The following SLC35D1 variants were observed in gnomAD, a reference collection of about 807,000 sequenced individuals.
SLC35D1 encodes nucleotide sugar transporter SLC35D1.
SLC35D1 carries 31 observed loss-of-function variants against 46.7 expected under a neutral mutation model. That is an observed-to-expected ratio of 0.66 (90% CI 0.50 to 0.90). The LOEUF (loss-of-function observed/expected upper bound fraction) is 0.90. Ranked by LOEUF, SLC35D1 falls within the 40% of genes least tolerant of loss-of-function variation. The pLI, the probability that SLC35D1 is intolerant of heterozygous loss-of-function variation, is 0.00. For synonymous variants in SLC35D1, 195 were observed against 164.6 expected (o/e 1.18, Z -1.41); for missense variants, 397 against 426.2 (o/e 0.93, Z 0.60).
At chr1:66,992,994 A>G in the SLC35D1 span, among the ~76,000 whole-genome samples, 2 of 152,252 alleles carry the variant, frequency 1.3e-5, no homozygotes, top group Non-Finnish European at 2.9e-5. Flanking sequence ...AAGTTGTAAG[A>G]CTTGCTCTTT....
Position 67,042,235 on chromosome 1 carries a change from C to T in SLC35D1, c.729+1G>A. On this transcript the variant is annotated splice_donor_variant, in intron 8 of 11. Coordinates refer to ENST00000235345, the MANE Select transcript of SLC35D1 (RefSeq NM_015139.3). LOFTEE classifies it high-confidence loss of function. The stretch of plus-strand genomic sequence containing the variant: ...ATTAAACCGTAATTAGAAAGTCCTA[C>T]CTTTTGTGCATCTCCTGTGAAATAC... 2 of 1,613,454 alleles carry T rather than the reference C, an allele frequency of 1.2e-6. No homozygotes were observed. Among genetic ancestry groups the T allele is most frequent in the Non-Finnish European group, 8.5e-7 (1 of 1,179,400 alleles).
At chr1:66,978,196 CAAA>C in the SLC35D1 span, among the ~76,000 whole-genome samples, 2 of 91,352 alleles carry the variant, frequency 2.2e-5, no homozygotes, top group South Asian at 3.2e-4. Context: ...ACTCCATCTC[CAAA>C]AAAAAAAAAA....
At chr1:66,977,226 C>T in the SLC35D1 span, among the ~76,000 whole-genome samples, 1 of 152,094 alleles carries the variant, frequency 6.6e-6, no homozygotes. Flanking sequence ...TGTCCTGCCT[C>T]AGCCTCCCGA....
chr1:66,989,885 G>GA, the SLC35D1 span, among the ~76,000 whole-genome samples: 4 of 152,220 alleles, frequency 2.6e-5, no homozygotes, highest in South Asian at 2.1e-4. Context: ...TTCTTGACCA[G>GA]AAAATCTAGA....
the SLC35D1 span, chr1:66,976,874 C>T: frequency 1.7e-6 from 1 of 584,518 alleles, no homozygotes; most frequent in Non-Finnish European, 2.7e-6. Context: ...TTTTATAATA[C>T]ACATTAAACT....
the SLC35D1 span, among the ~76,000 whole-genome samples, chr1:66,974,352 C>T: frequency 1.3e-4 from 20 of 151,292 alleles, no homozygotes; most frequent in Admixed American, 5.9e-4. Context: ...TGTGACTGGC[C>T]GTGTATGTTT....
At chr1:67,046,983 T>A (rs965055300) in intron 7 of SLC35D1, among the ~76,000 whole-genome samples, 1 of 152,156 alleles carries the variant, frequency 6.6e-6, no homozygotes, top group Non-Finnish European at 1.5e-5. Context: ...AATACAGCCA[T>A]GAACATTTAA....
chr1:66,974,261 A>G, the SLC35D1 span, among the ~76,000 whole-genome samples: 33 of 152,236 alleles, frequency 2.2e-4, 2 homozygotes, highest in East Asian at 6.0e-3. Context: ...AATTAGTTTC[A>G]AAAATGTATA....
intron 8 of SLC35D1, among the ~76,000 whole-genome samples, chr1:67,034,364 C>A (rs1417645080): frequency 6.6e-6 from 1 of 152,118 alleles, no homozygotes; most frequent in Non-Finnish European, 1.5e-5. Flanking sequence ...TTTTCAATTT[C>A]TTGCATCAGT....
intron 2 of SLC35D1, 47 bp downstream of exon 2, chr1:67,052,909 G>A (rs767231853): frequency 1.9e-6 from 3 of 1,613,790 alleles, no homozygotes; most frequent in African/African-American, 2.7e-5. Flanking sequence ...GACACACACA[G>A]AAGTTCTAAC....
At chr1:66,995,301 T>C (rs1667225960), downstream of SLC35D1, among the ~76,000 whole-genome samples, 1 of 151,906 alleles carries the variant, frequency 6.6e-6, no homozygotes, top group Non-Finnish European at 1.5e-5. Flanking sequence ...CCATTCACTC[T>C]AGGCATTCAC....
the SLC35D1 span, chr1:66,986,572 A>G: frequency 5.8e-5 from 55 of 948,482 alleles, no homozygotes; most frequent in Non-Finnish European, 4.9e-5. Flanking sequence ...CCCATGAAGT[A>G]TTACTGTTAA....
At position 67,047,254 on chromosome 1, in the gene SLC35D1, T is replaced by G; in HGVS notation, c.636+11A>C. On this transcript the variant is annotated intron_variant, in intron 7 of 11. Coordinates refer to ENST00000235345, the MANE Select transcript of SLC35D1 (RefSeq NM_015139.3). ...AGTACACAACTGTTAAAGCTTTAGATTGCTACTTACTTTTGAATCTAATTT... is the reference window on the plus strand; with the variant it reads ...AGTACACAACTGTTAAAGCTTTAGAGTGCTACTTACTTTTGAATCTAATTT... 2 of 1,603,354 alleles carry G rather than the reference T, an allele frequency of 1.2e-6. No individual in the cohort carries two copies. Among genetic ancestry groups the G allele is most frequent in the South Asian group, 2.2e-5 (2 of 90,858 alleles).
the SLC35D1 span, among the ~76,000 whole-genome samples, chr1:66,989,768 C>A: frequency 2.0e-5 from 3 of 152,174 alleles, no homozygotes; most frequent in African/African-American, 7.2e-5. Flanking sequence ...TGAGCTTAAA[C>A]ATTTTTAAAA....
intron 7 of SLC35D1, 144 bp downstream of exon 7, chr1:67,047,121 C>T (rs895233519): frequency 3.0e-6 from 2 of 661,438 alleles, no homozygotes; most frequent in African/African-American, 1.8e-5. Flanking sequence ...TATATGAACA[C>T]TAAAGTACAG....
chr1:66,975,749 G>A, the SLC35D1 span, among the ~76,000 whole-genome samples: 2 of 152,110 alleles, frequency 1.3e-5, no homozygotes, highest in African/African-American at 2.4e-5. Flanking sequence ...TAAGCCGCAA[G>A]AGTAACTTAG....
At chr1:66,990,039 T>G in the SLC35D1 span, among the ~76,000 whole-genome samples, 2 of 152,190 alleles carry the variant, frequency 1.3e-5, no homozygotes, top group Non-Finnish European at 2.9e-5. Context: ...AAGTGTATCC[T>G]TTTTTATTAT....
At position 67,020,381 on chromosome 1, in the gene SLC35D1, A is replaced by C; in HGVS notation, c.864T>G (p.Val288=). Residue 288 remains valine, a synonymous_variant, in exon 10 of 12, where the codon GTT becomes GTG. Transcript: ENST00000235345. ...TTTTTCTACTTACCTTAATACAGCC[A>C]ACTATTGTAGTTGTAAGAGCAGAAT... ...QYNSALTTTI[V]GCIKNILITY... 1 of 1,602,636 alleles carries C rather than the reference A, an allele frequency of 6.2e-7. No individual in the cohort carries two copies. The highest frequency in any genetic ancestry group is 8.5e-7 in the Non-Finnish European group (1 of 1,169,608).
At chr1:67,015,162 A>T (rs58522580) in intron 10 of SLC35D1, among the ~76,000 whole-genome samples, 2 of 5,478 alleles carry the variant, frequency 3.7e-4, no homozygotes, top group Non-Finnish European at 6.8e-4. Flanking sequence ...TGTTTTTGTA[A>T]AAAAAAAAAA....
Sources: gnomAD v4.1 joint callset for allele counts (sites outside exome capture counted in the v4.1 genomes callset) on GRCh38, gnomAD v4.1.1 for gene constraint, MANE v1.5 for transcripts, NCBI Gene and HGNC (gene_info 2026-07-23, HGNC 2026-07-21) for gene names.